The following MRPS27 variants were observed in gnomAD, a reference collection of about 807,000 sequenced individuals.
MRPS27 encodes mitochondrial ribosomal protein S27, also known as small ribosomal subunit protein mS27.
MRPS27 carries 43 observed loss-of-function variants against 48.9 expected under a neutral mutation model. The ratio of observed to expected loss-of-function variants is 0.88; its 90% CI spans 0.69 to 1.13. The LOEUF is 1.13. Ranked by LOEUF, MRPS27 falls within the 50% of genes most tolerant of loss-of-function variation. The probability of loss-of-function intolerance (pLI) is 0.00; values close to 1 mark genes in which losing one functional copy is unlikely to be tolerated. For missense variants in MRPS27, 467 were observed against 476.3 expected (o/e 0.98, Z 0.18); for synonymous variants, 188 against 171.9 (o/e 1.09, Z -0.73).
intron 4 of MRPS27, among the ~76,000 whole-genome samples, chr5:72,250,329 A>G (rs1452393062): frequency 6.6e-6 from 1 of 152,060 alleles, no homozygotes; most frequent in African/African-American, 2.4e-5. Flanking sequence ...CTACTTAGGG[A>G]TATGTTCTGT....
At chr5:72,238,156 T>C in intron 4 of MRPS27, 28 bp from the exon 5 acceptor site, 1 of 1,462,338 alleles carries the variant, frequency 6.8e-7, no homozygotes, top group Non-Finnish European at 9.6e-7. Context: ...GAGAGAAAAC[T>C]GGTGTTAACT....
intron 4 of MRPS27, among the ~76,000 whole-genome samples, chr5:72,260,320 T>C (rs1000501298): frequency 1.3e-5 from 2 of 152,228 alleles, no homozygotes; most frequent in African/African-American, 4.8e-5. Context: ...TTTGTCCACC[T>C]GGAATTTATT....
intron 2 of MRPS27, among the ~76,000 whole-genome samples, chr5:72,298,707 C>A (rs1231312182): frequency 1.6e-5 from 2 of 122,328 alleles, no homozygotes. Context: ...AGCGAGACTC[C>A]GTCTCAAAAA....
intron 4 of MRPS27, among the ~76,000 whole-genome samples, chr5:72,286,784 C>T (rs1749683082): frequency 6.6e-6 from 1 of 152,160 alleles, no homozygotes; most frequent in Non-Finnish European, 1.5e-5. Flanking sequence ...ACCTTTGCTG[C>T]TACTGCTGGG....
chr5:72,237,726 T>C (rs1748236501), intron 5 of MRPS27, among the ~76,000 whole-genome samples: 1 of 152,108 alleles, frequency 6.6e-6, no homozygotes, highest in South Asian at 2.1e-4. Context: ...GCAAGAAATC[T>C]AAGGCTTAGC....
intron 8 of MRPS27, 98 bp downstream of exon 8, chr5:72,228,168 C>A: frequency 9.2e-7 from 1 of 1,084,378 alleles, no homozygotes; most frequent in Non-Finnish European, 1.4e-6. Flanking sequence ...TTGGATTTCA[C>A]TGGTAAATTT....
intron 4 of MRPS27, among the ~76,000 whole-genome samples, chr5:72,284,631 A>G (rs1293571174): frequency 6.6e-6 from 1 of 152,210 alleles, no homozygotes; most frequent in Admixed American, 6.5e-5. Flanking sequence ...CTTCCCTAAA[A>G]GAAACCAATG....
In MRPS27 at chr5:72,223,770, G is replaced by T. The variant is rs750078052; in HGVS notation, c.918C>A (p.Asp306Glu). The change falls in exon 10 of 11, where the codon GAC (aspartate) becomes GAA (glutamate). Residue 306 changes from aspartate (D) to glutamate (E), a missense_variant. Physicochemically the swap from Asp to Glu is conservative, Grantham distance 45. Transcript: ENST00000261413. ...ASEEQSQNDEDNQGSEKLVEQ... is the reference protein window; with the variant it reads ...ASEEQSQNDEENQGSEKLVEQ... The stretch of plus-strand genomic sequence containing the variant: ...CCACCAGTTTTTCTGACCCCTGGTT[G>T]TCTTCATCATTTTGGGACTGCTCCT... 1 of 1,614,020 alleles carries T rather than the reference G, an allele frequency of 6.2e-7. No homozygotes were observed. Among genetic ancestry groups the T allele is most frequent in the Non-Finnish European group, 8.5e-7 (1 of 1,179,948 alleles).
intron 2 of MRPS27, among the ~76,000 whole-genome samples, chr5:72,308,367 T>G (rs1750339683): frequency 2.0e-5 from 3 of 152,170 alleles, no homozygotes; most frequent in Non-Finnish European, 4.4e-5. Context: ...GCTGCCTCGA[T>G]CTCCAATGGG....
chr5:72,297,571 G>GA lies in MRPS27; in HGVS notation c.222+60dup, dbSNP rs531890715. On this transcript the variant is annotated intron_variant, in intron 3 of 10. Coordinates refer to ENST00000261413, the MANE Select transcript of MRPS27 (RefSeq NM_015084.3). The stretch of plus-strand genomic sequence containing the variant: ...TTTATTTACACAGCCTCATCTACAT[G>GA]AAGGGCCTTTCTGGCTTTCTTCCTT... 2.6e-3 allele frequency: 2,745 copies of GA among 1,044,570 alleles called. 56 individuals are homozygous for GA. The African/African-American group carries it at 0.029, about 11-fold the overall frequency. 64.7% of individuals were successfully genotyped at this position (1,044,570 alleles called of 1,614,324 possible).
chr5:72,295,374 T>G, intron 4 of MRPS27, 157 bp downstream of exon 4: 1 of 562,432 alleles, frequency 1.8e-6, no homozygotes, highest in Non-Finnish European at 3.2e-6. Context: ...TAAAATGCAG[T>G]TATAAAAAAT....
At chr5:72,258,843 T>C (rs1462724285) in intron 4 of MRPS27, among the ~76,000 whole-genome samples, 1 of 152,168 alleles carries the variant, frequency 6.6e-6, no homozygotes, top group African/African-American at 2.4e-5. Flanking sequence ...ACTATGACAG[T>C]AGATAATAAA....
chr5:72,220,948 C>T lies in MRPS27; in HGVS notation c.1206G>A (p.Gln402=), dbSNP rs1388428413. 2 of 1,614,196 alleles carry T rather than the reference C, an allele frequency of 1.2e-6. No homozygotes were observed. The highest frequency in any genetic ancestry group is 1.7e-6 in the Non-Finnish European group (2 of 1,180,014). ...TTGCTGCTTTCTGAGCCTGGTACTC[C>T]TGCTTCGCTTGCTCCCTCTGTTGCT... The part of the protein sequence containing the change: ...REQQQREQAK[Q]EYQAQKAAKA... Residue 402 remains glutamine, a synonymous_variant, in exon 11 of 11, where the codon CAG becomes CAA. Transcript: ENST00000261413.
chr5:72,240,185 A>G (rs1428308571), intron 4 of MRPS27, among the ~76,000 whole-genome samples: 2 of 152,192 alleles, frequency 1.3e-5, no homozygotes, highest in Non-Finnish European at 2.9e-5. Flanking sequence ...AAATGCTGTT[A>G]TGTCCCGATC....
chr5:72,260,654 T>C (rs1312753231), intron 4 of MRPS27, among the ~76,000 whole-genome samples: 3 of 152,210 alleles, frequency 2.0e-5, no homozygotes, highest in Non-Finnish European at 2.9e-5. Context: ...TGGCCATTGA[T>C]TGACACAGAA....
In MRPS27 at chr5:72,226,182, G is replaced by C; in HGVS notation, c.712C>G (p.Gln238Glu). ...TTGTGGTACACAGCCCGTAGCCCTT[G>C]CTGCAACTCCACCTTCCCTGTGGCC... ...YALLGKVELQ[Q>E]GLRAVYHNMP... The change falls in exon 9 of 11, where the codon CAA (glutamine) becomes GAA (glutamate). Residue 238 changes from glutamine to glutamate, a missense_variant. Transcript: ENST00000261413. 1 of 1,613,672 alleles carries C rather than the reference G, an allele frequency of 6.2e-7. No individual in the cohort carries two copies. The highest frequency in any genetic ancestry group is 8.5e-7 in the Non-Finnish European group (1 of 1,179,714).
chr5:72,245,332 ATGGAAACTGGCT>A (rs1748484270), intron 4 of MRPS27, among the ~76,000 whole-genome samples: 1 of 152,226 alleles, frequency 6.6e-6, no homozygotes, highest in Non-Finnish European at 1.5e-5. Flanking sequence ...ATATAAAGTT[ATGGAAACTGGCT>A]TGGTTTGGAC....
chr5:72,263,403 A>G (rs1438019058), intron 4 of MRPS27, among the ~76,000 whole-genome samples: 3 of 152,016 alleles, frequency 2.0e-5, no homozygotes, highest in Non-Finnish European at 2.9e-5. Flanking sequence ...AGCATTAACA[A>G]CAAAAGAAAA....
At chr5:72,239,035 A>G (rs576187258) in intron 4 of MRPS27, among the ~76,000 whole-genome samples, 1 of 152,218 alleles carries the variant, frequency 6.6e-6, no homozygotes, top group East Asian at 1.9e-4. Context: ...ATGCTATACT[A>G]TATCATGTTA....
Sources: allele counts gnomAD v4.1 joint callset (sites outside exome capture counted in the v4.1 genomes callset), GRCh38; gene constraint gnomAD v4.1.1; transcripts MANE v1.5; gene names NCBI Gene and HGNC (gene_info 2026-07-23, HGNC 2026-07-21).